The following AK7 variants were observed in gnomAD, a reference collection of about 807,000 sequenced individuals.
The protein encoded by AK7 is adenylate kinase 7.
Under a neutral mutation model 96.6 loss-of-function variants are expected in AK7, and 78 were observed. The observed-to-expected ratio is 0.81, with a 90% confidence interval of 0.67 to 0.97. The LOEUF (loss-of-function observed/expected upper bound fraction) is 0.97. Among genes scored for constraint, AK7 ranks in the 50% least tolerant of loss-of-function variants. The pLI is 0.00. For missense variants in AK7, 855 were observed against 887.9 expected, an observed-to-expected ratio of 0.96 and a Z score of 0.47; for synonymous variants, 302 against 317.2, an observed-to-expected ratio of 0.95 and a Z score of 0.51.
chr14:96,444,987 G>C (rs543077960), intron 7 of AK7, among the ~76,000 whole-genome samples: 44 of 152,298 alleles, frequency 2.9e-4, no homozygotes, highest in Non-Finnish European at 5.7e-4. Context: ...CAAAGTGCTG[G>C]GATTACAGGC....
chr14:96,482,884 C>T, intron 15 of AK7, 115 bp from the exon 16 acceptor site: 1 of 1,040,072 alleles, frequency 9.6e-7, no homozygotes, highest in Non-Finnish European at 1.4e-6. Context: ...AAAGAAAACC[C>T]TATGTGGTAA....
chr14:96,449,504 A>G (rs1893457393), intron 8 of AK7, among the ~76,000 whole-genome samples: 1 of 152,020 alleles, frequency 6.6e-6, no homozygotes, highest in African/African-American at 2.4e-5. Context: ...TGTGATCTCA[A>G]CTCACTGCAA....
chr14:96,426,126 A>T, intron 5 of AK7, among the ~76,000 whole-genome samples: 1 of 151,220 alleles, frequency 6.6e-6, no homozygotes, highest in African/African-American at 2.4e-5. Context: ...AGGGATGGTG[A>T]TTTTCTCTGG....
chr14:96,472,736 T>A lies in AK7; in HGVS notation c.1536T>A (p.Phe512Leu). The change falls in exon 14 of 18, where the codon TTT becomes TTA. Residue 512 changes from phenylalanine (F) to leucine (L), a missense_variant. Coordinates refer to ENST00000267584, the MANE Select transcript of AK7 (RefSeq NM_152327.5). The stretch of plus-strand genomic sequence containing the variant: ...ATGTCAGAGGCAGAATGTTTCCCTT[T>A]GATAAATTAATTATACCTGGTAAGT... ...EDDVRGRMFP[F>L]DKLIIPEFVC... 1 of 1,612,782 alleles carries A rather than the reference T, an allele frequency of 6.2e-7. No homozygotes were observed. The highest frequency in any genetic ancestry group is 8.5e-7 in the Non-Finnish European group (1 of 1,178,902).
chr14:96,435,924 AC>A (rs914641901), intron 5 of AK7, among the ~76,000 whole-genome samples: 1 of 151,990 alleles, frequency 6.6e-6, no homozygotes, highest in African/African-American at 2.4e-5. Flanking sequence ...GCGATTCCAA[AC>A]TGTTTTTTCT....
chr14:96,421,140 A>G (rs370734236), intron 5 of AK7, among the ~76,000 whole-genome samples: 196 of 152,236 alleles, frequency 1.3e-3, no homozygotes, highest in African/African-American at 4.6e-3. Flanking sequence ...CATCACCCAC[A>G]AAGGGGTCTG....
intron 14 of AK7, among the ~76,000 whole-genome samples, chr14:96,475,234 C>T (rs182780157): frequency 4.1e-4 from 62 of 152,248 alleles, no homozygotes; most frequent in African/African-American, 1.3e-3. Flanking sequence ...TTGTTTCATT[C>T]GTACTTGTAG....
At chr14:96,424,244 G>C (rs1285246176) in intron 5 of AK7, 3 of 438,088 alleles carry the variant, frequency 6.8e-6, no homozygotes, top group African/African-American at 4.3e-5. Context: ...CGCGCAGCCG[G>C]GAGTGCCGCG....
intron 4 of AK7, among the ~76,000 whole-genome samples, chr14:96,412,035 T>G (rs2140013599): frequency 6.6e-6 from 1 of 152,280 alleles, no homozygotes; most frequent in African/African-American, 2.4e-5. Flanking sequence ...TTCGTTTTGT[T>G]TTTAGAGACG....
At chr14:96,483,542 C>T (rs1895621676) in intron 16 of AK7, among the ~76,000 whole-genome samples, 1 of 152,026 alleles carries the variant, frequency 6.6e-6, no homozygotes, top group African/African-American at 2.4e-5. Context: ...CTGTCTCAGC[C>T]TCCCCAGTGG....
intron 7 of AK7, among the ~76,000 whole-genome samples, chr14:96,443,828 C>CAGTG: frequency 6.9e-6 from 1 of 143,910 alleles, no homozygotes; most frequent in African/African-American, 2.7e-5. Flanking sequence ...GGCTGGAGTG[C>CAGTG]AGTGGCACAA....
intron 5 of AK7, among the ~76,000 whole-genome samples, chr14:96,424,845 G>A (rs553617819): frequency 1.2e-4 from 18 of 152,162 alleles, no homozygotes; most frequent in East Asian, 3.9e-4. Context: ...ATTGGAACCC[G>A]TGATTTCTTG....
chr14:96,483,524 T>A (rs1895621191), intron 16 of AK7, among the ~76,000 whole-genome samples: 1 of 151,928 alleles, frequency 6.6e-6, no homozygotes, highest in African/African-American at 2.4e-5. Context: ...CGGGTTCAAG[T>A]GATCCTCCTG....
intron 16 of AK7, among the ~76,000 whole-genome samples, chr14:96,486,626 T>C (rs1268864383): frequency 6.6e-6 from 1 of 151,022 alleles, no homozygotes; most frequent in Non-Finnish European, 1.5e-5. Flanking sequence ...CCAGACTTTC[T>C]AGTGGCATTT....
intron 12 of AK7, among the ~76,000 whole-genome samples, chr14:96,464,770 A>G (rs1274884103): frequency 6.6e-6 from 1 of 152,172 alleles, no homozygotes; most frequent in Non-Finnish European, 1.5e-5. Context: ...TCAAAATATC[A>G]GGACATTTCT....
intron 1 of AK7, 66 bp downstream of exon 1, chr14:96,392,325 C>A: frequency 1.4e-6 from 2 of 1,456,290 alleles, no homozygotes; most frequent in Non-Finnish European, 1.9e-6. Flanking sequence ...GCCCCCGGTC[C>A]GCAAACCCAG....
intron 7 of AK7, among the ~76,000 whole-genome samples, chr14:96,444,790 TC>T (rs1893140315): frequency 6.6e-6 from 1 of 151,988 alleles, no homozygotes; most frequent in African/African-American, 2.4e-5. Context: ...CAACCTTGGC[TC>T]ACTGCAACCT....
At chr14:96,428,702 T>C (rs1376945787) in intron 5 of AK7, among the ~76,000 whole-genome samples, 1 of 152,242 alleles carries the variant, frequency 6.6e-6, no homozygotes, top group African/African-American at 2.4e-5. Context: ...TTTGCATTTC[T>C]CTGATGGCCA....
At chr14:96,478,702 C>T in intron 15 of AK7, 40 bp downstream of exon 15, 1 of 1,597,654 alleles carries the variant, frequency 6.3e-7, no homozygotes, top group South Asian at 1.1e-5. Context: ...TGTCCAGGAC[C>T]CCCAGCAAAG....
Sources: gnomAD v4.1 joint callset for allele counts (sites outside exome capture counted in the v4.1 genomes callset) on GRCh38, gnomAD v4.1.1 for gene constraint, MANE v1.5 for transcripts, NCBI Gene and HGNC (gene_info 2026-07-23, HGNC 2026-07-21) for gene names.